The following SHISA9 variants were observed in gnomAD, a reference collection of about 807,000 sequenced individuals.
SHISA9 encodes protein shisa-9.
SHISA9 carries 13 observed loss-of-function variants against 38.0 expected under a neutral mutation model. The observed-to-expected ratio is 0.34, with a 90% CI of 0.22 to 0.54. SHISA9 has a LOEUF of 0.54. SHISA9 is among the 20% of genes least tolerant of loss of function. The pLI, the probability that SHISA9 is intolerant of heterozygous loss-of-function variation, is 0.91. For synonymous variants in SHISA9, 275 were observed against 242.0 expected, an observed-to-expected ratio of 1.14 and a Z score of -1.27; for missense variants, 538 against 575.8, an observed-to-expected ratio of 0.93 and a Z score of 0.67.
chr16:13,561,472 G>A, the SHISA9 span, among the ~76,000 whole-genome samples: 2 of 152,190 alleles, frequency 1.3e-5, no homozygotes, highest in African/African-American at 4.8e-5. Flanking sequence ...GAAACAAGCC[G>A]TGGGCAGGAA....
the SHISA9 span, among the ~76,000 whole-genome samples, chr16:13,531,271 G>T: frequency 6.6e-6 from 1 of 152,028 alleles, no homozygotes; most frequent in Non-Finnish European, 1.5e-5. Context: ...CCCCAGTAAG[G>T]GCACCGAAAA....
the SHISA9 span, among the ~76,000 whole-genome samples, chr16:13,247,189 AACTC>A: frequency 2.0e-5 from 3 of 152,020 alleles, no homozygotes; most frequent in Non-Finnish European, 4.4e-5. Context: ...ATCTCTTGAG[AACTC>A]ACTCACTATC....
chr16:13,470,741 A>G, the SHISA9 span, among the ~76,000 whole-genome samples: 1 of 152,206 alleles, frequency 6.6e-6, no homozygotes, highest in African/African-American at 2.4e-5. Context: ...ATTCTGTAAC[A>G]AAGAAAACAT....
intron 3 of SHISA9, among the ~76,000 whole-genome samples, chr16:13,207,091 C>G (rs988734770): frequency 1.3e-5 from 2 of 152,210 alleles, no homozygotes; most frequent in African/African-American, 4.8e-5. Flanking sequence ...TGGCAAAACC[C>G]TGTCTCTACT....
At chr16:13,541,417 G>A in the SHISA9 span, among the ~76,000 whole-genome samples, 3 of 152,090 alleles carry the variant, frequency 2.0e-5, no homozygotes, top group South Asian at 2.1e-4. Flanking sequence ...GTGCACCCCC[G>A]CCTTTGCCTG....
chr16:13,211,374 T>C (rs1018682280), intron 3 of SHISA9, among the ~76,000 whole-genome samples: 7 of 152,110 alleles, frequency 4.6e-5, no homozygotes, highest in African/African-American at 1.7e-4. Flanking sequence ...TCTAGTGTAT[T>C]TGAGGTATGC....
chr16:13,433,327 A>G, the SHISA9 span, among the ~76,000 whole-genome samples: 1 of 152,204 alleles, frequency 6.6e-6, no homozygotes, highest in African/African-American at 2.4e-5. Context: ...GCTCGTCTGT[A>G]AATCTGAAGT....
At chr16:13,265,847 A>G in the SHISA9 span, among the ~76,000 whole-genome samples, 1 of 152,074 alleles carries the variant, frequency 6.6e-6, no homozygotes, top group South Asian at 2.1e-4. Flanking sequence ...TCTCTGGAGC[A>G]TTTTGTTTTT....
At chr16:13,329,386 TG>T in the SHISA9 span, among the ~76,000 whole-genome samples, 1 of 152,186 alleles carries the variant, frequency 6.6e-6, no homozygotes, top group Non-Finnish European at 1.5e-5. Context: ...CGATGAACCC[TG>T]GGTATTTACC....
intron 2 of SHISA9, among the ~76,000 whole-genome samples, chr16:13,159,798 A>G (rs182155656): frequency 3.0e-4 from 46 of 152,332 alleles, no homozygotes; most frequent in Non-Finnish European, 5.3e-4. Context: ...GAAGCTGTCC[A>G]TGATTAATTC....
the SHISA9 span, among the ~76,000 whole-genome samples, chr16:13,342,332 A>G: frequency 6.6e-6 from 1 of 152,126 alleles, no homozygotes; most frequent in Admixed American, 6.6e-5. Flanking sequence ...ACAGAGTCCA[A>G]GCTGGAGTGC....
At chr16:13,323,927 AG>A in the SHISA9 span, among the ~76,000 whole-genome samples, 2 of 151,964 alleles carry the variant, frequency 1.3e-5, no homozygotes, top group African/African-American at 4.8e-5. Flanking sequence ...GTCTAGTGGG[AG>A]GTGTTTGGGT....
At chr16:12,903,325 G>A (rs1245157359) in intron 1 of SHISA9, among the ~76,000 whole-genome samples, 1 of 152,176 alleles carries the variant, frequency 6.6e-6, no homozygotes, top group Non-Finnish European at 1.5e-5. Context: ...TGCAGATTGA[G>A]CCCCTTGCCC....
chr16:13,222,539 A>G (rs436339), intron 4 of SHISA9, among the ~76,000 whole-genome samples: 58,501 of 151,956 alleles, frequency 0.38, 12,471 homozygotes, highest in East Asian at 0.66. Context: ...CACTGGTGCG[A>G]TATCAGTCTC....
intron 4 of SHISA9, among the ~76,000 whole-genome samples, chr16:13,220,617 TC>T (rs768068303): frequency 6.6e-6 from 1 of 152,212 alleles, no homozygotes; most frequent in Non-Finnish European, 1.5e-5. Context: ...GTATGAAATT[TC>T]ACCAGCTGGG....
the SHISA9 span, among the ~76,000 whole-genome samples, chr16:13,500,720 C>A: frequency 6.6e-6 from 1 of 151,984 alleles, no homozygotes; most frequent in Non-Finnish European, 1.5e-5. Context: ...TAATTGTAAA[C>A]CATGTAGGAG....
intron 2 of SHISA9, among the ~76,000 whole-genome samples, chr16:12,958,619 G>T (rs1272936944): frequency 6.6e-6 from 1 of 152,178 alleles, no homozygotes; most frequent in Non-Finnish European, 1.5e-5. Context: ...TGGCAAGACT[G>T]GTGCTTATGA....
At chr16:13,536,880 C>T in the SHISA9 span, among the ~76,000 whole-genome samples, 1 of 152,146 alleles carries the variant, frequency 6.6e-6, no homozygotes, top group Non-Finnish European at 1.5e-5. Context: ...GTGGCATGAT[C>T]AGAAATGCTG....
the SHISA9 span, among the ~76,000 whole-genome samples, chr16:13,465,695 A>T: frequency 1.3e-5 from 2 of 152,204 alleles, no homozygotes; most frequent in African/African-American, 4.8e-5. Context: ...ACACCTTTGA[A>T]GGCAGATCCA....
Sources: gnomAD v4.1 joint callset for allele counts (sites outside exome capture counted in the v4.1 genomes callset) on GRCh38, gnomAD v4.1.1 for gene constraint, MANE v1.5 for transcripts, NCBI Gene and HGNC (gene_info 2026-07-23, HGNC 2026-07-21) for gene names.